Variants in WDPCP observed in about 807,000 individuals in gnomAD.
WDPCP encodes WD repeat-containing and planar cell polarity effector protein fritz homolog.
WDPCP carries 71 observed loss-of-function variants against 93.1 expected under a neutral mutation model. That is an observed-to-expected ratio of 0.76 (90% CI 0.63 to 0.93). WDPCP has a LOEUF of 0.93. Among genes scored for constraint, WDPCP ranks in the 40% least tolerant of loss-of-function variants. The pLI is 0.00. For missense variants in WDPCP, 844 were observed against 887.4 expected, an observed-to-expected ratio of 0.95 and a Z score of 0.62; for synonymous variants, 315 against 315.0, an observed-to-expected ratio of 1.00 and a Z score of 0.00.
At chr2:63,438,471 G>T (rs1697286529) in intron 7 of WDPCP, among the ~76,000 whole-genome samples, 1 of 152,046 alleles carries the variant, frequency 6.6e-6, no homozygotes, top group South Asian at 2.1e-4. Context: ...CACGAATTGT[G>T]CTGAAAGTTT....
chr2:63,127,635 C>T (rs1452769679), intron 17 of WDPCP, among the ~76,000 whole-genome samples: 7 of 143,344 alleles, frequency 4.9e-5, no homozygotes, highest in Middle Eastern at 3.7e-3. Context: ...TAATTGTCAA[C>T]ATGTAAATAC....
chr2:63,676,762 A>C (rs191075682), intron 2 of WDPCP, among the ~76,000 whole-genome samples: 1 of 146,816 alleles, frequency 6.8e-6, no homozygotes, highest in African/African-American at 2.6e-5. Context: ...GGGAGGATAC[A>C]GATGTGAAAA....
At chr2:63,146,137 G>A (rs981721200) in intron 17 of WDPCP, among the ~76,000 whole-genome samples, 3 of 152,074 alleles carry the variant, frequency 2.0e-5, no homozygotes, top group African/African-American at 4.8e-5. Flanking sequence ...GATATAGGAC[G>A]ATGTTGTCTG....
chr2:63,155,644 C>A (rs1045142983), intron 15 of WDPCP, among the ~76,000 whole-genome samples: 11 of 152,248 alleles, frequency 7.2e-5, no homozygotes, highest in Admixed American at 1.3e-4. Context: ...TGGCTGCTTC[C>A]TTGCTATGAT....
At chr2:63,539,465 G>A (rs568446383) in intron 1 of WDPCP, among the ~76,000 whole-genome samples, 19 of 152,308 alleles carry the variant, frequency 1.2e-4, no homozygotes, top group African/African-American at 4.6e-4. Flanking sequence ...GGAGGCCAAG[G>A]AGGGCAGATC....
intron 11 of WDPCP, among the ~76,000 whole-genome samples, chr2:63,380,390 A>G (rs528770874): frequency 2.0e-5 from 3 of 152,208 alleles, no homozygotes; most frequent in African/African-American, 7.2e-5. Context: ...ACTAATACTC[A>G]TTGAGTACCG....
intron 12 of WDPCP, among the ~76,000 whole-genome samples, chr2:63,330,905 C>G (rs1053219984): frequency 4.8e-5 from 6 of 125,344 alleles, no homozygotes; most frequent in African/African-American, 1.5e-4. Flanking sequence ...GGGTCTTGCT[C>G]TGTCACCCAG....
chr2:63,621,515 C>T (rs1048992296), intron 3 of WDPCP, among the ~76,000 whole-genome samples: 1 of 151,896 alleles, frequency 6.6e-6, no homozygotes, highest in Admixed American at 6.6e-5. Flanking sequence ...CCAATAAATA[C>T]GGGACTATGT....
chr2:63,329,096 G>A (rs779796028), intron 12 of WDPCP, among the ~76,000 whole-genome samples: 1 of 152,188 alleles, frequency 6.6e-6, no homozygotes, highest in Non-Finnish European at 1.5e-5. Context: ...ATGTAGTACA[G>A]TATTTGTTAA....
rs550163196 is a variant in WDPCP at position 63,711,910 on chromosome 2, C to A, written n.309-61072G>T. Reference sequence around the variant, plus strand: ...ATACTGGAGAAACCGGGCCCTCCCACAAACTCCCTTGCTACTGCTGCTGGG... The same window carrying A: ...ATACTGGAGAAACCGGGCCCTCCCAAAAACTCCCTTGCTACTGCTGCTGGG... On this transcript the variant is annotated intron_variant and non_coding_transcript_variant, in intron 2 of 4. Coordinates refer to the WDPCP transcript ENST00000467687. 6.6e-5 allele frequency among the ~76,000 whole-genome samples: 10 copies of A among 152,344 alleles called. No homozygotes were observed. The South Asian group carries it at 2.1e-3, about 32-fold the overall frequency.
At chr2:63,811,614 A>G (rs1411177106) in intron 2 of WDPCP, among the ~76,000 whole-genome samples, 1 of 149,612 alleles carries the variant, frequency 6.7e-6, no homozygotes, top group East Asian at 1.9e-4. Context: ...TTTTTTTTCA[A>G]ATTTTATTTT....
chr2:63,264,538 G>A (rs981841098), intron 13 of WDPCP, among the ~76,000 whole-genome samples: 6 of 152,038 alleles, frequency 3.9e-5, no homozygotes, highest in African/African-American at 1.5e-4. Context: ...TTATAACAAT[G>A]GTAAATATAT....
chr2:63,281,156 A>G (rs1683509380), intron 13 of WDPCP, among the ~76,000 whole-genome samples: 1 of 152,194 alleles, frequency 6.6e-6, no homozygotes, highest in African/African-American at 2.4e-5. Context: ...AATCCCATAA[A>G]AAAAGTAGGC....
chr2:63,732,104 A>C (rs1422752885), intron 2 of WDPCP, among the ~76,000 whole-genome samples: 1 of 152,214 alleles, frequency 6.6e-6, no homozygotes, highest in Non-Finnish European at 1.5e-5. Flanking sequence ...TGGTGTGTAG[A>C]CACTCTTACA....
chr2:63,244,838 G>T (rs17027692), intron 14 of WDPCP, among the ~76,000 whole-genome samples: 2 of 151,978 alleles, frequency 1.3e-5, no homozygotes, highest in African/African-American at 4.8e-5. Context: ...GATGGGTGTC[G>T]GTCAGTTATC....
chr2:63,278,993 A>G (rs891251743), intron 13 of WDPCP, among the ~76,000 whole-genome samples: 1 of 152,208 alleles, frequency 6.6e-6, no homozygotes, highest in Non-Finnish European at 1.5e-5. Flanking sequence ...TGAAATAGTA[A>G]TAAGACTGCC....
chr2:63,463,284 T>C (rs184145912), intron 6 of WDPCP, among the ~76,000 whole-genome samples: 1 of 152,004 alleles, frequency 6.6e-6, no homozygotes, highest in African/African-American at 2.4e-5. Context: ...TAGTGGAAGA[T>C]TTGGCTGTGT....
chr2:63,291,614 G>A (rs1356456471), intron 13 of WDPCP, among the ~76,000 whole-genome samples: 1 of 152,056 alleles, frequency 6.6e-6, no homozygotes, highest in Non-Finnish European at 1.5e-5. Flanking sequence ...TTTGAGACAA[G>A]CCTGGCCAAC....
intron 14 of WDPCP, among the ~76,000 whole-genome samples, chr2:63,197,400 T>C (rs1014783704): frequency 2.0e-5 from 3 of 152,228 alleles, no homozygotes; most frequent in Non-Finnish European, 4.4e-5. Flanking sequence ...AGTTAAGCTT[T>C]GGTAAAGTCA....
Sources: allele counts gnomAD v4.1 joint callset (sites outside exome capture counted in the v4.1 genomes callset), GRCh38; gene constraint gnomAD v4.1.1; transcripts MANE v1.5; gene names NCBI Gene and HGNC (gene_info 2026-07-23, HGNC 2026-07-21).